ADCY8: variants seen among roughly 807,000 people sequenced by gnomAD.
ADCY8 encodes the protein adenylate cyclase type 8.
Under a neutral mutation model 119.7 loss-of-function variants are expected in ADCY8, and 51 were observed. The ratio of observed to expected loss-of-function variants is 0.43; its 90% CI spans 0.34 to 0.54. The LOEUF (loss-of-function observed/expected upper bound fraction) is 0.54, where lower values mean the gene tolerates loss of function less well. ADCY8 is among the 20% of genes least tolerant of loss of function. The pLI, the probability that ADCY8 is intolerant of heterozygous loss-of-function variation, is 0.03. For synonymous variants in ADCY8, 665 were observed against 651.0 expected, an observed-to-expected ratio of 1.02 and a Z score of -0.33; for missense variants, 1,383 against 1,598.8, an observed-to-expected ratio of 0.87 and a Z score of 2.30.
In ADCY8 at chr8:131,039,486, C is replaced by T; in HGVS notation, c.848G>A (p.Ser283Asn). The stretch of plus-strand genomic sequence containing the variant: ...CCAGGTGAGCGGCAGCGGCAGCATA[C>T]TGTAGGTGGCGAAGAGCGTGAAGAG... ...YVLFTLFATYSMLPLPLTWAI... is the reference protein window; with the variant it reads ...YVLFTLFATYNMLPLPLTWAI... The change falls in exon 1 of 18, where the codon AGT becomes AAT. Residue 283 changes from serine to asparagine, a missense_variant. Physicochemically the swap from Ser to Asn is conservative, Grantham distance 46. Transcript: ENST00000286355. The T allele has an allele frequency of 1.2e-6, 2 of 1,614,058 alleles. No individual in the cohort carries two copies. The highest frequency in any genetic ancestry group is 1.1e-5 in the South Asian group (1 of 91,084).
intron 5 of ADCY8, among the ~76,000 whole-genome samples, chr8:130,920,255 A>G (rs922841407): frequency 6.6e-6 from 1 of 152,110 alleles, no homozygotes; most frequent in African/African-American, 2.4e-5. Context: ...TCTTCCCAGA[A>G]GTGTCACTGG....
intron 17 of ADCY8, among the ~76,000 whole-genome samples, chr8:130,781,889 A>G (rs1479426682): frequency 1.3e-5 from 2 of 152,220 alleles, no homozygotes; most frequent in African/African-American, 4.8e-5. Context: ...GGCACTTGCT[A>G]TGAGCCAGGT....
At chr8:130,840,081 C>G (rs1219057319) in intron 11 of ADCY8, among the ~76,000 whole-genome samples, 1 of 139,588 alleles carries the variant, frequency 7.2e-6, no homozygotes, top group East Asian at 2.2e-4. Context: ...AGAGGTAGCA[C>G]TAATATTTCC....
chr8:130,859,333 C>T (rs1014431906), intron 9 of ADCY8, among the ~76,000 whole-genome samples: 2 of 152,158 alleles, frequency 1.3e-5, no homozygotes, highest in Non-Finnish European at 2.9e-5. Flanking sequence ...TGTAAACTTC[C>T]ATTCCAACAA....
At chr8:130,925,653 C>T (rs1346632265) in intron 5 of ADCY8, among the ~76,000 whole-genome samples, 1 of 152,152 alleles carries the variant, frequency 6.6e-6, no homozygotes, top group African/African-American at 2.4e-5. Context: ...CAATCACATC[C>T]AGCAATGAAT....
At chr8:130,859,947 G>A (rs558835172) in intron 9 of ADCY8, among the ~76,000 whole-genome samples, 6 of 152,084 alleles carry the variant, frequency 3.9e-5, no homozygotes, top group Non-Finnish European at 7.4e-5. Context: ...TGCATTTAAG[G>A]TTCATTGATG....
intron 12 of ADCY8, among the ~76,000 whole-genome samples, chr8:130,826,554 G>A (rs1208365101): frequency 1.3e-5 from 2 of 152,112 alleles, no homozygotes; most frequent in African/African-American, 4.8e-5. Context: ...TCATTCATGA[G>A]AATGGTAGTA....
At chr8:130,791,876 A>AT (rs1268181360) in intron 15 of ADCY8, among the ~76,000 whole-genome samples, 3 of 152,054 alleles carry the variant, frequency 2.0e-5, no homozygotes, top group African/African-American at 4.8e-5. Flanking sequence ...TCTCTGCTAG[A>AT]TTTTTCCCAT....
intron 5 of ADCY8, among the ~76,000 whole-genome samples, chr8:130,917,763 TTGTG>T (rs146136196): frequency 1.6e-4 from 24 of 147,406 alleles, no homozygotes; most frequent in South Asian, 6.6e-4. Context: ...CACAGGGAGT[TTGTG>T]TGTGTGTGTG....
At chr8:130,830,492 A>C (rs1816798870) in intron 12 of ADCY8, among the ~76,000 whole-genome samples, 2 of 152,100 alleles carry the variant, frequency 1.3e-5, no homozygotes, top group Admixed American at 6.5e-5. Context: ...TCTGTCCCTG[A>C]TCATTCTTTC....
intron 8 of ADCY8, among the ~76,000 whole-genome samples, chr8:130,877,651 T>C (rs1183404633): frequency 6.6e-6 from 1 of 152,238 alleles, no homozygotes; most frequent in African/African-American, 2.4e-5. Flanking sequence ...CCTTTGGGAA[T>C]GATAAAACAT....
chr8:130,884,617 C>G lies in ADCY8; in HGVS notation c.2056G>C (p.Glu686Gln). Residue 686 changes from glutamate (E) to glutamine (Q), a missense_variant, in exon 8 of 18, where the codon GAG (glutamate) becomes CAG (glutamine). By Grantham distance (29) the Glu-to-Gln change is conservative. Around this residue, in one of 2 missense-constraint regions of ADCY8, gnomAD observed 928 missense variants for 1,163.5 expected, o/e 0.80. Coordinates refer to ENST00000286355, the MANE Select transcript of ADCY8 (RefSeq NM_001115.3). ...ATCAGTGAGAATGGCTTGATATGCT[C>G]TCTTCTCAATTTATCGCCACTCCGC... ...DLRSGDKLRR[E>Q]HIKPFSLMFK... 1.2e-6 allele frequency: 2 copies of G among 1,613,838 alleles called. No homozygotes were observed. The highest frequency in any genetic ancestry group is 1.1e-5 in the South Asian group (1 of 91,082).
chr8:130,809,855 C>T (rs1358721745), intron 14 of ADCY8, among the ~76,000 whole-genome samples: 1 of 152,212 alleles, frequency 6.6e-6, no homozygotes, highest in Non-Finnish European at 1.5e-5. Flanking sequence ...TTCAGCATAC[C>T]CCTGGCTGCT....
intron 7 of ADCY8, 45 bp downstream of exon 7, chr8:130,903,727 G>C: frequency 6.3e-7 from 1 of 1,597,528 alleles, no homozygotes; most frequent in African/African-American, 1.3e-5. Context: ...AGATGCACAC[G>C]AGCATGCATT....
At chr8:131,016,702 G>C (rs1046277767) in intron 1 of ADCY8, among the ~76,000 whole-genome samples, 2 of 152,058 alleles carry the variant, frequency 1.3e-5, no homozygotes, top group Non-Finnish European at 2.9e-5. Context: ...GAGTGAGAAA[G>C]AGAGAGAGAG....
At chr8:130,994,882 G>T (rs1263616290) in intron 1 of ADCY8, among the ~76,000 whole-genome samples, 1 of 152,050 alleles carries the variant, frequency 6.6e-6, no homozygotes, top group African/African-American at 2.4e-5. Context: ...GGAAAATGCT[G>T]CTCTGAACAT....
At chr8:130,790,534 C>G (rs1418733119) in intron 15 of ADCY8, among the ~76,000 whole-genome samples, 2 of 152,206 alleles carry the variant, frequency 1.3e-5, no homozygotes. Flanking sequence ...CCACCCTCCT[C>G]AACTTTCTAA....
rs117732107 is a variant in ADCY8 at position 131,008,188 on chromosome 8, G to A, written c.961-17646C>T. ...TATGAGGATGCTGAAGCAAAGACAA[G>A]TTAAGTAACTTGCTTCAGCTCACCC... On this transcript the variant is annotated intron_variant, in intron 1 of 17. Transcript: ENST00000286355. Among the ~76,000 whole-genome samples, 1,516 of 152,276 alleles carry A rather than the reference G, an allele frequency of 1.0e-2. 14 individuals carry two copies. The highest frequency in any genetic ancestry group is 0.034 in the South Asian group (165 of 4,830).
intron 12 of ADCY8, among the ~76,000 whole-genome samples, chr8:130,824,020 C>T (rs543277346): frequency 1.3e-5 from 2 of 152,210 alleles, no homozygotes; most frequent in African/African-American, 4.8e-5. Context: ...TTTTATTTTA[C>T]AGGTAGAGAC....
Sources: gnomAD v4.1 joint callset for allele counts (sites outside exome capture counted in the v4.1 genomes callset) on GRCh38, gnomAD v4.1.1 for gene constraint, gnomAD v4.1.1 regional missense constraint, MANE v1.5 for transcripts, NCBI Gene and HGNC (gene_info 2026-07-23, HGNC 2026-07-21) for gene names.